Variants in TRAPPC13 observed in about 807,000 individuals in gnomAD.
TRAPPC13 encodes REV7-interacting novel NHEJ regulator 1.
TRAPPC13 carries 39 observed loss-of-function variants against 54.0 expected under a neutral mutation model. That is an observed-to-expected ratio of 0.72 (90% CI 0.56 to 0.94). The LOEUF is 0.94. Among genes scored for constraint, TRAPPC13 ranks in the 40% least tolerant of loss-of-function variants. The pLI, the probability that TRAPPC13 is intolerant of heterozygous loss-of-function variation, is 0.00. For synonymous variants in TRAPPC13, 148 were observed against 167.7 expected (o/e 0.88, Z 0.91); for missense variants, 386 against 488.1 (o/e 0.79, Z 1.97).
intron 11 of TRAPPC13, chr5:65,662,599 A>G (rs1756884801): frequency 6.6e-6 from 1 of 152,490 alleles, no homozygotes; most frequent in African/African-American, 2.4e-5. Flanking sequence ...GTAAAGAGAG[A>G]GCATAATCTG....
At chr5:65,653,874 A>G (rs27147) in intron 7 of TRAPPC13, among the ~76,000 whole-genome samples, 37,772 of 152,052 alleles carry the variant, frequency 0.25, 4,992 homozygotes, top group Non-Finnish European at 0.3. Context: ...CTTTTTTGTT[A>G]TTAATACCAC....
At chr5:65,640,774 T>C (rs1221631531) in intron 4 of TRAPPC13, among the ~76,000 whole-genome samples, 1 of 152,146 alleles carries the variant, frequency 6.6e-6, no homozygotes, top group Admixed American at 6.5e-5. Context: ...ACTATAAAGA[T>C]CAAAGAATAC....
chr5:65,665,626 T>C lies in TRAPPC13; in HGVS notation c.*1015T>C, dbSNP rs1216752254. Reference sequence around the variant, plus strand: ...TTTTTTTCTCATTGATTAAGCCACTTATTTTTATAAGGTATATTTAAATAA... The same window carrying C: ...TTTTTTTCTCATTGATTAAGCCACTCATTTTTATAAGGTATATTTAAATAA... On this transcript the variant is annotated 3_prime_UTR_variant, in exon 13 of 13. Coordinates refer to ENST00000399438, the MANE Select transcript of TRAPPC13 (RefSeq NM_024941.4). 2 of 152,160 alleles carry C rather than the reference T, an allele frequency of 1.3e-5. No homozygotes were observed. The highest frequency in any genetic ancestry group is 2.4e-5 in the African/African-American group (1 of 41,464). The allele number at this position is 152,160 out of a possible 1,614,324, so 9.4% of individuals were successfully genotyped here. A position where few individuals can be genotyped will look rare whatever the true frequency, so the allele number is the denominator to read the frequency against.
At chr5:65,649,045 A>T (rs976568159) in intron 5 of TRAPPC13, among the ~76,000 whole-genome samples, 5 of 152,006 alleles carry the variant, frequency 3.3e-5, no homozygotes, top group Admixed American at 2.6e-4. Flanking sequence ...ATGAAATCCC[A>T]TCTTTACAAA....
intron 4 of TRAPPC13, among the ~76,000 whole-genome samples, chr5:65,644,509 A>G (rs1038936845): frequency 1.8e-4 from 27 of 152,340 alleles, no homozygotes; most frequent in Middle Eastern, 3.4e-3. Flanking sequence ...AAAATGACAC[A>G]TAGGACACAC....
intron 4 of TRAPPC13, among the ~76,000 whole-genome samples, chr5:65,646,747 T>C (rs1477470586): frequency 6.6e-6 from 1 of 152,248 alleles, no homozygotes; most frequent in Non-Finnish European, 1.5e-5. Context: ...CCCTCTGCTA[T>C]AGCCCGATTG....
chr5:65,637,318 T>G (rs1225683904), intron 3 of TRAPPC13, among the ~76,000 whole-genome samples: 2 of 152,204 alleles, frequency 1.3e-5, no homozygotes, highest in African/African-American at 2.4e-5. Context: ...AAGTTCTTAG[T>G]GATTCTCAAA....
intron 6 of TRAPPC13, among the ~76,000 whole-genome samples, chr5:65,651,193 G>A (rs1476330941): frequency 1.3e-5 from 2 of 152,130 alleles, no homozygotes; most frequent in Non-Finnish European, 2.9e-5. Context: ...AGCAAAGTGG[G>A]GAGGATCACT....
chr5:65,660,813 A>G lies in TRAPPC13; in HGVS notation c.813A>G (p.Val271=). Residue 271 remains valine (V), a synonymous_variant, in exon 10 of 13, where the codon GTA becomes GTG. Transcript: ENST00000399438. The stretch of plus-strand genomic sequence containing the variant: ...AAAAAGCAGGCATCATTAAGGGAGT[A>G]ACAGTAATTGGAAAATTGGATATAG... ...FAEKAGIIKG[V]TVIGKLDIVW... is the part of the protein sequence containing the mutation. 1 of 1,613,822 alleles carries G rather than the reference A, an allele frequency of 6.2e-7. No homozygotes were observed. The highest frequency in any genetic ancestry group is 1.1e-5 in the South Asian group (1 of 91,062).
At chr5:65,652,382 A>G in intron 6 of TRAPPC13, 119 bp from the exon 7 acceptor site, 3 of 527,244 alleles carry the variant, frequency 5.7e-6, no homozygotes, top group South Asian at 3.7e-5. Flanking sequence ...ACCTATTAGA[A>G]AAGTCTTTTA....
intron 4 of TRAPPC13, among the ~76,000 whole-genome samples, chr5:65,646,133 A>G (rs2150678527): frequency 6.6e-6 from 1 of 151,984 alleles, no homozygotes; most frequent in African/African-American, 2.4e-5. Flanking sequence ...ATTGTGATAA[A>G]TGTTACAAAG....
At chr5:65,647,301 GT>G in intron 5 of TRAPPC13, 119 bp downstream of exon 5, 2 of 809,996 alleles carry the variant, frequency 2.5e-6, no homozygotes, top group South Asian at 4.5e-5. Flanking sequence ...GGAATTTTAT[GT>G]TCTATGTTGG....
chr5:65,646,295 CTTAG>C (rs1467489297), intron 4 of TRAPPC13, among the ~76,000 whole-genome samples: 1 of 152,004 alleles, frequency 6.6e-6, no homozygotes, highest in African/African-American at 2.4e-5. Context: ...GTAGTGCTTT[CTTAG>C]TTGGTGGCTT....
chr5:65,664,382 C>T lies in TRAPPC13; in HGVS notation c.1144C>T (p.Gln382Ter), dbSNP rs1158860266. The change falls in exon 12 of 13, where the codon CAA becomes TAA. Residue 382 changes from glutamine to a stop codon, truncating the protein, a stop_gained and splice_region_variant. Coordinates refer to ENST00000399438, the MANE Select transcript of TRAPPC13 (RefSeq NM_024941.4). LOFTEE classifies it high-confidence loss of function. ...TCTGCTTTCTTCAGTACAGGGACTG[C>T]AAGTATGCTGTCTTTTCAAAAATTC... is the stretch of plus-strand genomic sequence containing the variant. ...LTLLSSVQGL[Q>*]SISGLRLTDT... 6.2e-7 allele frequency: 1 copy of T among 1,609,508 alleles called. No homozygotes were observed.
chr5:65,660,613 C>T lies in TRAPPC13; in HGVS notation c.699-86C>T, dbSNP rs867634223. The T allele has an allele frequency of 3.8e-5, 42 of 1,103,168 alleles. 3 individuals carry two copies. The Middle Eastern group carries it at 8.0e-3, about 210-fold the overall frequency. The allele number at this position is 1,103,168 out of a possible 1,614,324, so 68.3% of individuals were successfully genotyped here. ...TCTTTGGAGGGTACATCATCCAGTTCCTATCCAAAGGAACAATCACAGCCA... is the reference window on the plus strand; with the variant it reads ...TCTTTGGAGGGTACATCATCCAGTTTCTATCCAAAGGAACAATCACAGCCA... On this transcript the variant is annotated intron_variant, in intron 9 of 12. Coordinates refer to ENST00000399438, the MANE Select transcript of TRAPPC13 (RefSeq NM_024941.4).
At chr5:65,627,331 T>A (rs991746443) in intron 1 of TRAPPC13, among the ~76,000 whole-genome samples, 12 of 151,622 alleles carry the variant, frequency 7.9e-5, no homozygotes, top group Non-Finnish European at 1.3e-4. Context: ...AAGTGGTCAT[T>A]TAAGTTCACT....
Position 65,664,548 on chromosome 5 carries a change from A to T in TRAPPC13, c.1191A>T (p.Thr397=), listed in dbSNP as rs1348475416. 3 of 1,612,078 alleles carry T rather than the reference A, an allele frequency of 1.9e-6. No individual in the cohort carries two copies. The East Asian group carries it at 6.7e-5, about 36-fold the overall frequency. The change falls in exon 13 of 13, where the codon ACA becomes ACT. Residue 397 remains threonine (T), a synonymous_variant. Coordinates refer to ENST00000399438, the MANE Select transcript of TRAPPC13 (RefSeq NM_024941.4). ...LRLTDTFLKR[T]YEYDDIAQVC... Reference sequence around the variant, plus strand: ...TAACAGACACATTCTTAAAGAGAACATATGAATATGATGACATCGCACAAG... The same window carrying T: ...TAACAGACACATTCTTAAAGAGAACTTATGAATATGATGACATCGCACAAG...
At chr5:65,653,338 G>A (rs259743) in intron 7 of TRAPPC13, among the ~76,000 whole-genome samples, 94,254 of 151,758 alleles carry the variant, frequency 0.62, 29,584 homozygotes, top group South Asian at 0.65. Context: ...TTATATCTCT[G>A]CTACTCTAAA....
rs986000776 is a variant in TRAPPC13 at position 65,664,449 on chromosome 5, C to T, written c.1147-55C>T. 4.4e-6 allele frequency: 7 copies of T among 1,598,746 alleles called. No individual in the cohort carries two copies. In the African/African-American group the frequency reaches 9.5e-5, roughly 22 times the overall value. On this transcript the variant is annotated intron_variant, in intron 12 of 12. Coordinates refer to ENST00000399438, the MANE Select transcript of TRAPPC13 (RefSeq NM_024941.4). Reference sequence around the variant, plus strand: ...TTAACTTACAAGTCATTTGTGATGTCTGTATTTCCTCTGAATGAATGAAAA... The same window carrying T: ...TTAACTTACAAGTCATTTGTGATGTTTGTATTTCCTCTGAATGAATGAAAA...
Sources: gnomAD v4.1 joint callset for allele counts (sites outside exome capture counted in the v4.1 genomes callset) on GRCh38, gnomAD v4.1.1 for gene constraint, MANE v1.5 for transcripts, NCBI Gene and HGNC (gene_info 2026-07-23, HGNC 2026-07-21) for gene names.